The following SMAD3 variants were observed in gnomAD, a reference collection of about 807,000 sequenced individuals.
The protein encoded by SMAD3 is MAD homolog 3.
A neutral mutation model predicts 51.8 loss-of-function variants in SMAD3; 12 were observed. The observed-to-expected ratio is 0.23, with a 90% CI of 0.15 to 0.38. SMAD3 has a LOEUF of 0.38. SMAD3 is among the 10% of genes least tolerant of loss of function. The pLI, the probability that SMAD3 is intolerant of heterozygous loss-of-function variation, is 1.00. For missense variants in SMAD3, 294 were observed against 565.6 expected (o/e 0.52, Z 4.87); for synonymous variants, 238 against 227.7 (o/e 1.05, Z -0.41).
At chr15:67,142,634 A>G (rs1961860636) in intron 1 of SMAD3, 1 of 278,374 alleles carries the variant, frequency 3.6e-6, no homozygotes, top group Non-Finnish European at 7.3e-6. Context: ...GAGAATGGAC[A>G]TCTGGTTTGT....
At position 67,194,157 on chromosome 15, in the gene SMAD3, G is replaced by A. The variant is rs373340382; in HGVS notation, c.*3621G>A. ...AGTTGGGAGTTCCCCCAAAATAAAC[G>A]TGTCCCCATTTTACCAGAACCAAAC... On this transcript the variant is annotated 3_prime_UTR_variant, in exon 9 of 9. Transcript: ENST00000327367. 49 of 233,492 alleles carry A rather than the reference G, an allele frequency of 2.1e-4. No homozygotes were observed. The South Asian group carries it at 4.5e-3, about 22-fold the overall frequency. The allele number at this position is 233,492 out of a possible 1,614,324, so 14.5% of individuals were successfully genotyped here. A position where few individuals can be genotyped will look rare whatever the true frequency, so the allele number is the denominator to read the frequency against.
At chr15:67,070,410 C>T (rs1050870164) in intron 1 of SMAD3, among the ~76,000 whole-genome samples, 4 of 152,088 alleles carry the variant, frequency 2.6e-5, no homozygotes, top group African/African-American at 9.7e-5. Flanking sequence ...GAACATGCTG[C>T]TTGCACCTGG....
intron 1 of SMAD3, among the ~76,000 whole-genome samples, chr15:67,105,094 C>T (rs376663836): frequency 6.6e-6 from 1 of 152,232 alleles, no homozygotes; most frequent in Non-Finnish European, 1.5e-5. Context: ...GGCCTTGCCA[C>T]CTTTGGCCCT....
chr15:67,131,557 G>A (rs1302058718), intron 1 of SMAD3, among the ~76,000 whole-genome samples: 1 of 152,324 alleles, frequency 6.6e-6, no homozygotes, highest in East Asian at 1.9e-4. Context: ...GTCACAGTTT[G>A]CTCCAGGGAT....
chr15:67,182,645 C>CCTAGGTG (rs988930296), intron 6 of SMAD3, among the ~76,000 whole-genome samples: 3 of 152,038 alleles, frequency 2.0e-5, no homozygotes, highest in African/African-American at 7.2e-5. Context: ...AGGCCATGGG[C>CCTAGGTG]CTAGGTCTGT....
intron 6 of SMAD3, among the ~76,000 whole-genome samples, chr15:67,181,667 A>G (rs574958612): frequency 6.6e-6 from 1 of 152,262 alleles, no homozygotes; most frequent in South Asian, 2.1e-4. Flanking sequence ...GGTAGTGTTC[A>G]GGCCACTTGA....
intron 1 of SMAD3, among the ~76,000 whole-genome samples, chr15:67,135,382 C>G (rs78581577): frequency 6.6e-6 from 1 of 152,194 alleles, no homozygotes; most frequent in Non-Finnish European, 1.5e-5. Flanking sequence ...GGCTTTGCCC[C>G]TTGGAAGCTT....
intron 5 of SMAD3, among the ~76,000 whole-genome samples, chr15:67,180,129 C>T (rs927267615): frequency 3.3e-5 from 5 of 152,142 alleles, no homozygotes; most frequent in African/African-American, 7.2e-5. Context: ...GCTAAGGGCT[C>T]GCGCCCAGCA....
In SMAD3 at chr15:67,078,953, G is replaced by A. The variant is rs147402205; in HGVS notation, c.206+12593G>A. Among the ~76,000 whole-genome samples, 14 of 152,146 alleles carry A rather than the reference G, an allele frequency of 9.2e-5. No individual in the cohort carries two copies. The East Asian group carries it at 2.7e-3, about 29-fold the overall frequency. On this transcript the variant is annotated intron_variant, in intron 1 of 8. Coordinates refer to ENST00000327367, the MANE Select transcript of SMAD3 (RefSeq NM_005902.4). ...TTAGATTAAAAGCTTCTTGCAAGCT[G>A]TGAAATGTTTTGCAATGTCACATAT...
chr15:67,166,189 C>T (rs1032790641), intron 3 of SMAD3: 4 of 1,013,920 alleles, frequency 3.9e-6, no homozygotes, highest in Non-Finnish European at 4.7e-6. Context: ...CCTGGCGTCC[C>T]GCGGGTAAGT....
chr15:67,080,447 C>A (rs979475391), intron 1 of SMAD3, among the ~76,000 whole-genome samples: 1 of 152,146 alleles, frequency 6.6e-6, no homozygotes, highest in Non-Finnish European at 1.5e-5. Context: ...AGGGCATTCA[C>A]GTGGCTCTAC....
intron 1 of SMAD3, among the ~76,000 whole-genome samples, chr15:67,140,500 C>T (rs996709095): frequency 9.2e-5 from 14 of 152,184 alleles, no homozygotes; most frequent in African/African-American, 3.4e-4. Context: ...AATCTCCAGG[C>T]TGAGAAACTA....
intron 1 of SMAD3, among the ~76,000 whole-genome samples, chr15:67,121,009 C>CCT (rs1961247240): frequency 2.6e-5 from 4 of 152,192 alleles, no homozygotes; most frequent in Non-Finnish European, 5.9e-5. Context: ...TATAAAAGGA[C>CCT]CTTGAATCCC....
intron 7 of SMAD3, 150 bp downstream of exon 7, chr15:67,185,014 C>A: frequency 2.9e-6 from 3 of 1,039,242 alleles, no homozygotes; most frequent in Non-Finnish European, 4.3e-6. Flanking sequence ...TTCTCTATGC[C>A]CACAGATCTA....
intron 1 of SMAD3, among the ~76,000 whole-genome samples, chr15:67,156,499 T>G (rs1351499012): frequency 1.3e-5 from 2 of 152,210 alleles, no homozygotes; most frequent in Non-Finnish European, 2.9e-5. Context: ...CTAGCTTCAC[T>G]TTATATTAAC....
At chr15:67,124,759 G>A (rs1961344736) in intron 1 of SMAD3, among the ~76,000 whole-genome samples, 1 of 152,190 alleles carries the variant, frequency 6.6e-6, no homozygotes, top group Admixed American at 6.5e-5. Context: ...TCTCTGCTCT[G>A]TGCCTGAATG....
chr15:67,094,042 C>T (rs368239082), intron 1 of SMAD3, among the ~76,000 whole-genome samples: 54 of 152,352 alleles, frequency 3.5e-4, no homozygotes, highest in East Asian at 3.1e-3. Flanking sequence ...TGTGTGACCA[C>T]GGTGCTTCCC....
chr15:67,173,305 T>C (rs1001459116), intron 5 of SMAD3, among the ~76,000 whole-genome samples: 16 of 152,092 alleles, frequency 1.1e-4, no homozygotes, highest in Non-Finnish European at 2.1e-4. Flanking sequence ...TAATGCGTTG[T>C]GCCAGGTGCC....
At chr15:67,073,178 T>A (rs1479379107) in intron 1 of SMAD3, among the ~76,000 whole-genome samples, 2 of 152,246 alleles carry the variant, frequency 1.3e-5, no homozygotes, top group Admixed American at 1.3e-4. Context: ...CAAGGATCTC[T>A]CTCTCTCTTT....
Sources: gnomAD v4.1 joint callset for allele counts (sites outside exome capture counted in the v4.1 genomes callset) on GRCh38, gnomAD v4.1.1 for gene constraint, MANE v1.5 for transcripts, NCBI Gene and HGNC (gene_info 2026-07-23, HGNC 2026-07-21) for gene names.